The following CA5B variants were observed in gnomAD, a reference collection of about 807,000 sequenced individuals.
CA5B encodes the protein carbonic anhydrase 5B, mitochondrial.
A neutral mutation model predicts 23.1 loss-of-function variants in CA5B; 15 were observed. That is an observed-to-expected ratio of 0.65 (90% CI 0.43 to 1.00). The LOEUF is 1.00. CA5B is among the 50% of genes least tolerant of loss of function. CA5B has a pLI of 0.00. For synonymous variants in CA5B, 84 were observed against 98.5 expected (o/e 0.85, Z 0.87); for missense variants, 236 against 252.2 (o/e 0.94, Z 0.43).
intron 4 of CA5B, among the ~76,000 whole-genome samples, chrX:15,773,981 C>T (rs1335200130): frequency 8.9e-6 from 1 of 112,312 alleles, no homozygotes; most frequent in Non-Finnish European, 1.9e-5. Context: ...AAGTGGATTT[C>T]GAATATTGGT....
intron 2 of CA5B, among the ~76,000 whole-genome samples, chrX:15,759,963 A>G (rs1156688845): frequency 1.8e-5 from 2 of 108,624 alleles, no homozygotes; most frequent in African/African-American, 6.7e-5. Context: ...CATGTTGGCC[A>G]GGCTGGTCTT....
chrX:15,766,848 G>A (rs1035390629), intron 3 of CA5B: 2 of 313,714 alleles, frequency 6.4e-6, no homozygotes, highest in Admixed American at 3.4e-5. Context: ...TTGTGTAGCG[G>A]TGAAGTCTGG....
At chrX:15,774,853 A>T (rs1931891372) in intron 5 of CA5B, among the ~76,000 whole-genome samples, 3 of 112,017 alleles carry the variant, frequency 2.7e-5, no homozygotes, top group South Asian at 3.7e-4. Context: ...CCACCAAAAA[A>T]ATATATATAT....
In CA5B at chrX:15,772,510, C is replaced by T. The variant is rs1931839771; in HGVS notation, c.355C>T (p.Pro119Ser). 2.5e-6 allele frequency: 3 copies of T among 1,196,601 alleles called. No homozygotes were observed. Among genetic ancestry groups the T allele is most frequent in the Non-Finnish European group, 3.4e-6 (3 of 883,630 alleles). The change falls in exon 4 of 8, where the codon CCC becomes TCC. Residue 119 changes from proline to serine, a missense_variant. Coordinates refer to ENST00000318636, the MANE Select transcript of CA5B (RefSeq NM_007220.4). Reference protein sequence around the residue: ...STDKSVIKGGPLEHNYRLKQF... With the variant: ...STDKSVIKGGSLEHNYRLKQF... The stretch of plus-strand genomic sequence containing the variant: ...TGCCATTTTAGTGATCAAGGGAGGA[C>T]CCCTGGAACACAACTACCGATTGAA...
At chrX:15,755,367 C>T (rs748115186) in intron 2 of CA5B, among the ~76,000 whole-genome samples, 158 of 111,896 alleles carry the variant, frequency 1.4e-3, no homozygotes, top group African/African-American at 5.0e-3. Flanking sequence ...ATCCAAGTTC[C>T]TTTTATAGCC....
rs202245325 is a variant in CA5B, at chrX:15,772,508, G to T, written c.353G>T (p.Gly118Val). 1.7e-5 allele frequency: 20 copies of T among 1,195,283 alleles called. No individual in the cohort carries two copies. Among genetic ancestry groups the T allele is most frequent in the Non-Finnish European group, 2.0e-5 (18 of 881,272 alleles). Residue 118 changes from glycine (G) to valine (V), a missense_variant, in exon 4 of 8, where the codon GGA becomes GTA. By Grantham distance (109) the Gly-to-Val change is moderately radical (BLOSUM62 -3). Coordinates refer to ENST00000318636, the MANE Select transcript of CA5B (RefSeq NM_007220.4). ...TGTGCCATTTTAGTGATCAAGGGAG[G>T]ACCCCTGGAACACAACTACCGATTG... ...DSTDKSVIKG[G>V]PLEHNYRLKQ...
chrX:15,742,325 C>A (rs1931137307), intron 1 of CA5B, among the ~76,000 whole-genome samples: 1 of 111,548 alleles, frequency 9.0e-6, no homozygotes, highest in Admixed American at 9.6e-5. Flanking sequence ...GTTTCTACTC[C>A]CCAAGGCAAT....
At chrX:15,764,885 G>T in intron 3 of CA5B, 110 bp downstream of exon 3, 1 of 1,058,614 alleles carries the variant, frequency 9.4e-7, no homozygotes, top group Admixed American at 3.2e-5. Flanking sequence ...GTGAGCAATG[G>T]CATGGAACTC....
At chrX:15,781,753 A>G (rs1194614195) in intron 7 of CA5B, among the ~76,000 whole-genome samples, 5 of 110,521 alleles carry the variant, frequency 4.5e-5, no homozygotes, top group Non-Finnish European at 9.5e-5. Flanking sequence ...TGTCTCTACA[A>G]AAAATTAAAA....
At chrX:15,739,593 A>T (rs1399564390) in intron 1 of CA5B, among the ~76,000 whole-genome samples, 1 of 111,542 alleles carries the variant, frequency 9.0e-6, no homozygotes, top group Non-Finnish European at 1.9e-5. Flanking sequence ...TCACAATTGG[A>T]ACGCAGTAAA....
chrX:15,758,127 A>G (rs1458864127), intron 2 of CA5B, among the ~76,000 whole-genome samples: 1 of 111,936 alleles, frequency 8.9e-6, no homozygotes, highest in African/African-American at 3.2e-5. Context: ...AAATAATGAA[A>G]TAAAGCAAAA....
Position 15,772,530 on chromosome X carries a change from A to AT in CA5B, c.377dup (p.Leu126PhefsTer17). The AT allele has an allele frequency of 8.3e-7, 1 of 1,208,085 alleles. No individual in the cohort carries two copies. The highest frequency in any genetic ancestry group is 1.1e-6 in the Non-Finnish European group (1 of 892,609). On this transcript the variant is annotated frameshift_variant, in exon 4 of 8. Coordinates refer to ENST00000318636, the MANE Select transcript of CA5B (RefSeq NM_007220.4). LOFTEE classifies it high-confidence loss of function. Reference sequence around the variant, plus strand: ...GAGGACCCCTGGAACACAACTACCGATTGAAGCAGTTCCATTTTCACTGGG... The same window carrying AT: ...GAGGACCCCTGGAACACAACTACCGATTTGAAGCAGTTCCATTTTCACTGGG...
At chrX:15,770,234 A>G (rs1931791890) in intron 3 of CA5B, among the ~76,000 whole-genome samples, 1 of 110,916 alleles carries the variant, frequency 9.0e-6, no homozygotes, top group Non-Finnish European at 1.9e-5. Flanking sequence ...GAATCACTTG[A>G]ACCTGGGAGT....
chrX:15,776,786 T>A lies in CA5B; in HGVS notation c.691T>A (p.Ser231Thr). The change falls in exon 7 of 8, where the codon TCA becomes ACA. Residue 231 changes from serine (S) to threonine (T), a missense_variant. Coordinates refer to ENST00000318636, the MANE Select transcript of CA5B (RefSeq NM_007220.4). ...TACCTGCCCAGATTACTGGACCTAC[T>A]CAGGGTCTCTGACTACCCCACCCCT... is the stretch of plus-strand genomic sequence containing the variant. ...MPTCPDYWTYSGSLTTPPLSE... is the reference protein window; with the variant it reads ...MPTCPDYWTYTGSLTTPPLSE... 8.3e-7 allele frequency: 1 copy of A among 1,207,501 alleles called. No homozygotes were observed. The highest frequency in any genetic ancestry group is 1.1e-6 in the Non-Finnish European group (1 of 891,555).
chrX:15,773,396 C>G (rs1196296379), intron 4 of CA5B, among the ~76,000 whole-genome samples: 1 of 91,553 alleles, frequency 1.1e-5, no homozygotes, highest in Non-Finnish European at 2.1e-5. Context: ...TCACCATGCC[C>G]TGCTAATTTT....
At position 15,762,670 on chromosome X, in the gene CA5B, G is replaced by T. The variant is rs957768011; in HGVS notation, c.143-1908G>T. The T allele has an allele frequency of 3.1e-5, 9 of 294,416 alleles. No individual in the cohort carries two copies. In the Admixed American group the frequency reaches 3.4e-4, roughly 11 times the overall value. The allele number at this position is 294,416 out of a possible 1,213,427, so 24.3% of individuals were successfully genotyped here. On this transcript the variant is annotated intron_variant, in intron 2 of 7. Transcript: ENST00000318636. The stretch of plus-strand genomic sequence containing the variant: ...TCCTGACCTCGTGATCCGCCAAAGT[G>T]CTGGGATTACAGGCATGAGCCACCA...
At chrX:15,748,641 G>A (rs181632380) in intron 1 of CA5B, among the ~76,000 whole-genome samples, 2,258 of 109,633 alleles carry the variant, frequency 0.021, 54 homozygotes, top group African/African-American at 0.071. Context: ...AGCACTTTGC[G>A]AGGCCATTAA....
chrX:15,752,630 C>A (rs914895196), intron 2 of CA5B, among the ~76,000 whole-genome samples: 4 of 110,501 alleles, frequency 3.6e-5, no homozygotes, highest in Non-Finnish European at 7.6e-5. Flanking sequence ...GATGCTGAGG[C>A]ATGAGAATGG....
intron 2 of CA5B, among the ~76,000 whole-genome samples, chrX:15,762,436 C>T (rs1304946171): frequency 9.2e-6 from 1 of 109,115 alleles, no homozygotes; most frequent in East Asian, 2.9e-4. Context: ...CTACCTTAGT[C>T]TCATCCTTAT....
Sources: allele counts gnomAD v4.1 joint callset (sites outside exome capture counted in the v4.1 genomes callset), GRCh38; gene constraint gnomAD v4.1.1; transcripts MANE v1.5; gene names NCBI Gene and HGNC (gene_info 2026-07-23, HGNC 2026-07-21).